ACSS3: variants seen among roughly 807,000 people sequenced by gnomAD.
ACSS3 encodes the protein acyl-CoA synthetase short-chain family member 3, mitochondrial.
ACSS3 carries 64 observed loss-of-function variants against 84.2 expected under a neutral mutation model. The ratio of observed to expected loss-of-function variants is 0.76; its 90% CI spans 0.62 to 0.94. The LOEUF (loss-of-function observed/expected upper bound fraction) is 0.94, where lower values mean the gene tolerates loss of function less well. Among genes scored for constraint, ACSS3 ranks in the 40% least tolerant of loss-of-function variants. ACSS3 has a pLI of 0.00. For missense variants in ACSS3, 815 were observed against 867.6 expected (o/e 0.94, Z 0.76); for synonymous variants, 317 against 310.1 (o/e 1.02, Z -0.23).
At chr12:81,206,133 C>G (rs554618499) in intron 9 of ACSS3, among the ~76,000 whole-genome samples, 1 of 152,238 alleles carries the variant, frequency 6.6e-6, no homozygotes, top group African/African-American at 2.4e-5. Context: ...CTATCAAATG[C>G]TGCCTTCTGG....
intron 7 of ACSS3, among the ~76,000 whole-genome samples, chr12:81,154,427 T>C (rs1886766604): frequency 1.3e-5 from 2 of 151,630 alleles, no homozygotes; most frequent in Admixed American, 6.6e-5. Context: ...AAATATTTGT[T>C]GTGTGAATAA....
At chr12:81,082,581 G>A (rs576450440) in intron 1 of ACSS3, among the ~76,000 whole-genome samples, 6 of 152,258 alleles carry the variant, frequency 3.9e-5, no homozygotes, top group South Asian at 2.1e-4. Flanking sequence ...AGGTTTACTC[G>A]GTTGGGACTT....
chr12:81,157,695 T>C (rs1027828778), intron 7 of ACSS3, among the ~76,000 whole-genome samples: 3 of 152,000 alleles, frequency 2.0e-5, no homozygotes, highest in Non-Finnish European at 2.9e-5. Flanking sequence ...TAGTCCCAGC[T>C]ACTCGGGAGG....
Position 81,135,435 on chromosome 12 carries a change from TATA to T in ACSS3, c.645+435_645+437del, listed in dbSNP as rs1163349701. 1.2e-4 allele frequency among the ~76,000 whole-genome samples: 17 copies of T among 144,584 alleles called. 1 individual carries two copies. The highest frequency in any genetic ancestry group is 2.1e-4 in the South Asian group (1 of 4,744). 94.9% of individuals were successfully genotyped at this position (144,584 alleles called of 152,430 possible). Reference sequence around the variant, plus strand: ...TAATAATATATAAATATATATAATATATAATATTATAATAATATATAAAATAAA... The same window carrying T: ...TAATAATATATAAATATATATAATATATATTATAATAATATATAAAATAAA... On this transcript the variant is annotated intron_variant, in intron 3 of 15. Coordinates refer to ENST00000548058, the MANE Select transcript of ACSS3 (RefSeq NM_024560.4).
At chr12:81,141,948 A>G (rs1003217078) in intron 4 of ACSS3, among the ~76,000 whole-genome samples, 7 of 152,184 alleles carry the variant, frequency 4.6e-5, no homozygotes, top group African/African-American at 1.7e-4. Flanking sequence ...TTAGCTATAA[A>G]TGTGTTTATT....
intron 1 of ACSS3, chr12:81,094,542 T>C (rs1188098101): frequency 1.3e-5 from 2 of 152,218 alleles, no homozygotes; most frequent in Non-Finnish European, 2.9e-5. Flanking sequence ...AAGTTCTTTT[T>C]GGACATTCTC....
chr12:81,100,774 C>A (rs1882449918), intron 1 of ACSS3, among the ~76,000 whole-genome samples: 1 of 152,164 alleles, frequency 6.6e-6, no homozygotes, highest in Non-Finnish European at 1.5e-5. Context: ...GTACAGTCAA[C>A]ATTTGGGATG....
intron 8 of ACSS3, among the ~76,000 whole-genome samples, chr12:81,178,035 T>A (rs975445236): frequency 3.9e-5 from 6 of 152,152 alleles, no homozygotes; most frequent in African/African-American, 1.4e-4. Flanking sequence ...TGCAGCACTA[T>A]TCACAGTAGC....
chr12:81,191,751 A>C (rs1310642299), intron 8 of ACSS3, among the ~76,000 whole-genome samples: 1 of 152,096 alleles, frequency 6.6e-6, no homozygotes, highest in Non-Finnish European at 1.5e-5. Context: ...TTTTTACCAT[A>C]TCACCTATAT....
At chr12:81,195,580 C>CA (rs990568601) in intron 8 of ACSS3, among the ~76,000 whole-genome samples, 10 of 151,614 alleles carry the variant, frequency 6.6e-5, no homozygotes, top group African/African-American at 1.2e-4. Context: ...TGTAATTTGT[C>CA]AAAAAAATTG....
intron 9 of ACSS3, among the ~76,000 whole-genome samples, chr12:81,214,816 G>A (rs2032843218): frequency 6.6e-6 from 1 of 152,140 alleles, no homozygotes; most frequent in African/African-American, 2.4e-5. Flanking sequence ...TAGGTAACTG[G>A]TGTGTCCCTA....
intron 8 of ACSS3, among the ~76,000 whole-genome samples, chr12:81,180,216 C>T (rs541084062): frequency 6.6e-6 from 1 of 152,122 alleles, no homozygotes; most frequent in Non-Finnish European, 1.5e-5. Context: ...ACAATAGACA[C>T]AAGGGGTAGA....
intron 13 of ACSS3, among the ~76,000 whole-genome samples, chr12:81,248,222 A>C (rs1347717305): frequency 6.6e-6 from 1 of 152,052 alleles, no homozygotes; most frequent in East Asian, 1.9e-4. Flanking sequence ...CCAAAGGAAA[A>C]TAAATTAGTA....
chr12:81,185,030 G>A (rs2031171998), intron 8 of ACSS3, among the ~76,000 whole-genome samples: 1 of 151,590 alleles, frequency 6.6e-6, no homozygotes, highest in Non-Finnish European at 1.5e-5. Flanking sequence ...ATTATACATT[G>A]TGTTCATGTG....
chr12:81,145,207 C>A (rs1385939862), intron 5 of ACSS3, among the ~76,000 whole-genome samples: 2 of 151,582 alleles, frequency 1.3e-5, no homozygotes, highest in Non-Finnish European at 1.5e-5. Context: ...TGAGCCACTG[C>A]GCCCGGCCCA....
chr12:81,139,706 G>C (rs917671348), intron 4 of ACSS3, among the ~76,000 whole-genome samples: 2 of 150,518 alleles, frequency 1.3e-5, no homozygotes, highest in Admixed American at 1.3e-4. Flanking sequence ...GCCGATGTCC[G>C]CTCATTGCAA....
chr12:81,219,999 AT>A lies in ACSS3; in HGVS notation c.1451-10del. ...TATGAATTTTTATTCAAATATTTAT[AT>A]TTTACTTTGTAGTTATGATTTTGGA... On this transcript the variant is annotated splice_polypyrimidine_tract_variant and intron_variant, in intron 10 of 15. Coordinates refer to ENST00000548058, the MANE Select transcript of ACSS3 (RefSeq NM_024560.4). The A allele has an allele frequency of 6.8e-7, 1 of 1,462,316 alleles. No individual in the cohort carries two copies. The highest frequency in any genetic ancestry group is 9.2e-7 in the Non-Finnish European group (1 of 1,092,892). The allele number at this position is 1,462,316 out of a possible 1,614,324, so 90.6% of individuals were successfully genotyped here. A position where few individuals can be genotyped will look rare whatever the true frequency, so the allele number is the denominator to read the frequency against.
chr12:81,223,403 C>T (rs978174051), intron 11 of ACSS3, among the ~76,000 whole-genome samples: 1 of 152,040 alleles, frequency 6.6e-6, no homozygotes, highest in Non-Finnish European at 1.5e-5. Context: ...CACTGCGTTG[C>T]CATCTTGGGA....
In ACSS3 at chr12:81,238,748, C is replaced by CT. The variant is rs557944731; in HGVS notation, c.1719+5286dup. 9.6e-3 allele frequency among the ~76,000 whole-genome samples: 1,434 copies of CT among 149,970 alleles called. 22 individuals carry two copies. The highest frequency in any genetic ancestry group is 0.033 in the African/African-American group (1,365 of 40,958). On this transcript the variant is annotated intron_variant, in intron 13 of 15. Coordinates refer to ENST00000548058, the MANE Select transcript of ACSS3 (RefSeq NM_024560.4). The stretch of plus-strand genomic sequence containing the variant: ...TCTGGTTTTAGTAATTTGTCTCTTC[C>CT]TTTTTTTTTCCTTAGCCTGGCTAGA...
Sources: allele counts gnomAD v4.1 joint callset (sites outside exome capture counted in the v4.1 genomes callset), GRCh38; gene constraint gnomAD v4.1.1; transcripts MANE v1.5; gene names NCBI Gene and HGNC (gene_info 2026-07-23, HGNC 2026-07-21).